The following ADAM19 variants were observed in gnomAD, a reference collection of about 807,000 sequenced individuals.
ADAM19 encodes disintegrin and metalloproteinase domain-containing protein 19.
A neutral mutation model predicts 114.7 loss-of-function variants in ADAM19; 65 were observed. That is an observed-to-expected ratio of 0.57 (90% CI 0.46 to 0.70). The LOEUF (loss-of-function observed/expected upper bound fraction) is 0.70. Among genes scored for constraint, ADAM19 ranks in the 30% least tolerant of loss-of-function variants. The pLI is 0.00. For synonymous variants in ADAM19, 466 were observed against 460.5 expected (o/e 1.01, Z -0.15); for missense variants, 1,063 against 1,204.7 (o/e 0.88, Z 1.74).
chr5:157,507,632 C>T (rs1049305051), intron 9 of ADAM19, among the ~76,000 whole-genome samples: 1 of 152,132 alleles, frequency 6.6e-6, no homozygotes. Context: ...GCTGTGGGGC[C>T]GATGATGCTT....
chr5:157,515,433 G>C (rs986493819), intron 7 of ADAM19, among the ~76,000 whole-genome samples: 2 of 152,216 alleles, frequency 1.3e-5, no homozygotes, highest in African/African-American at 4.8e-5. Context: ...GCAGGAGTCA[G>C]CAAATCTTTT....
chr5:157,530,388 G>A (rs553764194), intron 5 of ADAM19, among the ~76,000 whole-genome samples: 9 of 152,160 alleles, frequency 5.9e-5, no homozygotes, highest in East Asian at 1.9e-4. Flanking sequence ...ATTCCTTCCC[G>A]CAGAAACCAC....
At chr5:157,564,258 ACTGAGAGCTTGGGGTCACTC>A (rs1757589734) in intron 3 of ADAM19, 95 bp downstream of exon 3, 1 of 916,860 alleles carries the variant, frequency 1.1e-6, no homozygotes, top group East Asian at 2.4e-5. Context: ...GAAACCAAGG[ACTGAGAGCTTGGGGTCACTC>A]CATTGACTGC....
intron 3 of ADAM19, among the ~76,000 whole-genome samples, chr5:157,541,526 A>G (rs1266124430): frequency 1.3e-5 from 2 of 152,134 alleles, no homozygotes; most frequent in African/African-American, 2.4e-5. Flanking sequence ...GGTCATTTAG[A>G]TTCCAAAGTC....
At position 157,491,723 on chromosome 5, in the gene ADAM19, C is replaced by T. The variant is rs1337755260; in HGVS notation, c.1987G>A (p.Val663Ile). The change falls in exon 18 of 23, where the codon GTC becomes ATC. Residue 663 changes from valine to isoleucine, a missense_variant and splice_region_variant. Val to Ile is a conservative substitution (Grantham distance 29). This residue lies in a region of ADAM19 where 424 missense variants were observed against 445.5 expected (regional missense o/e 0.95). Transcript: ENST00000257527. ...TGGCAGTTCTGGTTGTTGTTACAGA[C>T]CTGGAGCAAAGAAAGGGCAGAGGCA... Reference protein sequence around the residue: ...GCGKKCNGHGVCNNNQNCHCL... With the variant: ...GCGKKCNGHGICNNNQNCHCL... 10 of 1,598,882 alleles carry T rather than the reference C, an allele frequency of 6.3e-6. No individual in the cohort carries two copies. The highest frequency in any genetic ancestry group is 7.7e-6 in the Non-Finnish European group (9 of 1,171,096).
intron 14 of ADAM19, 151 bp from the exon 15 acceptor site, chr5:157,494,946 C>T: frequency 1.7e-6 from 1 of 589,662 alleles, no homozygotes; most frequent in South Asian, 2.0e-5. Flanking sequence ...ACTCCATCCC[C>T]ATATTCTCAA....
In ADAM19 at chr5:157,492,992, G is replaced by A. The variant is rs780604591; in HGVS notation, c.1889C>T (p.Thr630Ile). 2.6e-5 allele frequency: 42 copies of A among 1,614,066 alleles called. 1 individual carries two copies. The South Asian group carries it at 3.8e-4, about 15-fold the overall frequency. ...MLDPGLVMTG[T>I]KCGYNHICFE... ...ACTCACATGGTTGTAGCCACACTTG[G>A]TTCCAGTCATCACCAGCCCTGGGTC... Residue 630 changes from threonine (T) to isoleucine (I), a missense_variant, in exon 16 of 23, where the codon ACC becomes ATC. Around this residue, in one of 3 missense-constraint regions of ADAM19, gnomAD observed 424 missense variants for 445.5 expected, o/e 0.95. Transcript: ENST00000257527.
rs775250955 is a variant in ADAM19, at chr5:157,505,118, C to CAAAA, written c.1130+547_1130+550dup. Among the ~76,000 whole-genome samples the CAAAA allele has an allele frequency of 9.3e-3, 809 of 86,744 alleles. 29 individuals carry two copies. Among genetic ancestry groups the CAAAA allele is most frequent in the African/African-American group, 0.032 (702 of 22,000 alleles). 56.9% of individuals were successfully genotyped at this position (86,744 alleles called of 152,430 possible). A position where few individuals can be genotyped will look rare whatever the true frequency, so the allele number is the denominator to read the frequency against. Reference sequence around the variant, plus strand: ...TGGGCGACAGAGCAAGACTCTGTCTCAAAAAAAAAAAAAAAAAAAAATTTC... The same window carrying CAAAA: ...TGGGCGACAGAGCAAGACTCTGTCTCAAAAAAAAAAAAAAAAAAAAAAAAATTTC... On this transcript the variant is annotated intron_variant, in intron 11 of 22. Coordinates refer to ENST00000257527, the MANE Select transcript of ADAM19 (RefSeq NM_033274.5).
chr5:157,488,048 C>T (rs924011745), intron 21 of ADAM19, among the ~76,000 whole-genome samples: 1 of 152,102 alleles, frequency 6.6e-6, no homozygotes, highest in Non-Finnish European at 1.5e-5. Context: ...TAGGCCAACC[C>T]GGGAGAAAAT....
At chr5:157,490,231 C>A (rs1017223633) in intron 19 of ADAM19, 79 bp downstream of exon 19, 3 of 1,537,650 alleles carry the variant, frequency 2.0e-6, no homozygotes, top group Middle Eastern at 1.7e-4. Context: ...CTATCACCAA[C>A]ACTTTTGCTA....
intron 11 of ADAM19, among the ~76,000 whole-genome samples, chr5:157,503,686 A>G (rs1755641697): frequency 2.0e-5 from 3 of 152,194 alleles, no homozygotes; most frequent in Admixed American, 2.0e-4. Context: ...AGCACTGAAG[A>G]AAACACCAGC....
chr5:157,532,865 G>A (rs1478526958), intron 4 of ADAM19, among the ~76,000 whole-genome samples: 4 of 152,284 alleles, frequency 2.6e-5, no homozygotes, highest in East Asian at 3.9e-4. Flanking sequence ...CCAAGCATAC[G>A]CAGTTCCACA....
chr5:157,543,919 T>C (rs913971749), intron 3 of ADAM19, among the ~76,000 whole-genome samples: 2 of 152,228 alleles, frequency 1.3e-5, no homozygotes, highest in African/African-American at 4.8e-5. Context: ...TGTTTTGTTT[T>C]CTAAGATGCT....
intron 21 of ADAM19, among the ~76,000 whole-genome samples, chr5:157,482,760 T>A (rs1414071830): frequency 1.3e-5 from 2 of 152,220 alleles, no homozygotes; most frequent in African/African-American, 2.4e-5. Flanking sequence ...TGTACACGTA[T>A]GTTTATTGTG....
chr5:157,513,381 T>C, intron 8 of ADAM19, 53 bp downstream of exon 8: 1 of 1,566,892 alleles, frequency 6.4e-7, no homozygotes, highest in East Asian at 2.2e-5. Flanking sequence ...TCCAGTGCCC[T>C]TGGAAGTGCT....
intron 8 of ADAM19, among the ~76,000 whole-genome samples, chr5:157,510,173 C>G (rs1755872500): frequency 6.6e-6 from 1 of 152,136 alleles, no homozygotes; most frequent in Admixed American, 6.5e-5. Flanking sequence ...GTAAATTTAC[C>G]AAGTTTTAAA....
chr5:157,516,613 A>C (rs1270366131), intron 7 of ADAM19, among the ~76,000 whole-genome samples: 1 of 152,220 alleles, frequency 6.6e-6, no homozygotes, highest in African/African-American at 2.4e-5. Context: ...GCTGGGCTCT[A>C]TATGCTTAAC....
intron 20 of ADAM19, among the ~76,000 whole-genome samples, 192 bp from the exon 21 acceptor site, chr5:157,488,681 A>G (rs920433008): frequency 4.6e-5 from 7 of 152,216 alleles, no homozygotes; most frequent in Admixed American, 2.0e-4. Flanking sequence ...ATGTCTCTCC[A>G]GCCAATAAAA....
At chr5:157,540,538 T>C (rs1450353108) in intron 3 of ADAM19, among the ~76,000 whole-genome samples, 1 of 152,112 alleles carries the variant, frequency 6.6e-6, no homozygotes, top group Non-Finnish European at 1.5e-5. Flanking sequence ...AAAGGAACCC[T>C]AGAAATCATG....
Sources: gnomAD v4.1 joint callset for allele counts (sites outside exome capture counted in the v4.1 genomes callset) on GRCh38, gnomAD v4.1.1 for gene constraint, gnomAD v4.1.1 regional missense constraint, MANE v1.5 for transcripts, NCBI Gene and HGNC (gene_info 2026-07-23, HGNC 2026-07-21) for gene names.